The following TBC1D14 variants were observed in gnomAD, a reference collection of about 807,000 sequenced individuals.
TBC1D14 encodes the protein TBC1 domain family member 14, also known as TBC1 domain family, member 14.
A neutral mutation model predicts 79.0 loss-of-function variants in TBC1D14; 26 were observed. That is an observed-to-expected ratio of 0.33 (90% CI 0.24 to 0.46). TBC1D14 has a LOEUF of 0.46. Ranked by LOEUF, TBC1D14 falls within the 20% of genes least tolerant of loss-of-function variation. The pLI is 1.00. For synonymous variants in TBC1D14, 394 were observed against 349.9 expected, an observed-to-expected ratio of 1.13 and a Z score of -1.40; for missense variants, 769 against 887.6, an observed-to-expected ratio of 0.87 and a Z score of 1.70.
intron 2 of TBC1D14, among the ~76,000 whole-genome samples, chr4:6,965,558 A>G (rs1470670608): frequency 6.6e-6 from 1 of 152,078 alleles, no homozygotes; most frequent in Admixed American, 6.6e-5. Context: ...CTGGCTTTTT[A>G]AAAAATAGAG....
intron 1 of TBC1D14, among the ~76,000 whole-genome samples, chr4:6,920,540 C>T (rs1015474304): frequency 7.2e-5 from 11 of 152,144 alleles, no homozygotes; most frequent in African/African-American, 1.2e-4. Context: ...CAAAAGCTGA[C>T]GCCCAAGCAG....
intron 2 of TBC1D14, among the ~76,000 whole-genome samples, chr4:6,933,257 CCCTCCCCT>C (rs1560256264): frequency 1.8e-4 from 2 of 11,096 alleles, no homozygotes; most frequent in Non-Finnish European, 4.1e-4. Flanking sequence ...CCCTCCCCTC[CCCTCCCCT>C]CCCTTCCCCT....
intron 2 of TBC1D14, among the ~76,000 whole-genome samples, chr4:6,937,144 C>T (rs568743190): frequency 1.1e-4 from 17 of 152,212 alleles, no homozygotes; most frequent in Admixed American, 3.3e-4. Flanking sequence ...CTGGAACTCC[C>T]GACCTCAGGT....
intron 3 of TBC1D14, among the ~76,000 whole-genome samples, chr4:6,977,952 A>C (rs1164131487): frequency 2.6e-4 from 31 of 117,698 alleles, no homozygotes; most frequent in Middle Eastern, 7.0e-3. Flanking sequence ...AAGTGAGGAG[A>C]CCCTCTGCCT....
chr4:6,994,204 A>G lies in TBC1D14; in HGVS notation c.864A>G (p.Gly288=), dbSNP rs756113682. The change falls in exon 4 of 14, where the codon GGA becomes GGG. Residue 288 remains glycine, a synonymous_variant. Coordinates refer to ENST00000409757, the MANE Select transcript of TBC1D14 (RefSeq NM_020773.3). The part of the protein sequence containing the change: ...RIQKEYEDKA[G]RPSKPPSPKQ... ...CCTAGGAATATGAAGACAAGGCTGG[A>G]AGACCTAGCAAGCCACCCTCTCCAA... 6.2e-6 allele frequency: 10 copies of G among 1,614,080 alleles called. No homozygotes were observed. The South Asian group carries it at 1.1e-4, about 18-fold the overall frequency.
rs1024386487 is a variant in TBC1D14, at chr4:6,999,028, C to T, written c.1046-57C>T. The T allele has an allele frequency of 1.9e-6, 3 of 1,562,350 alleles. No individual in the cohort carries two copies. In the South Asian group the frequency reaches 3.4e-5, roughly 17 times the overall value. On this transcript the variant is annotated intron_variant, in intron 5 of 13. Transcript: ENST00000409757. Reference sequence around the variant, plus strand: ...CAGTGTGACAGGAAAATCACCTTGCCTGGAAATGGTCCATATCAGTTAGTA... The same window carrying T: ...CAGTGTGACAGGAAAATCACCTTGCTTGGAAATGGTCCATATCAGTTAGTA...
intron 3 of TBC1D14, among the ~76,000 whole-genome samples, chr4:6,971,692 G>A (rs930924088): frequency 1.3e-5 from 2 of 152,020 alleles, no homozygotes; most frequent in African/African-American, 4.8e-5. Context: ...GCATCACCCG[G>A]GCATTTGCTA....
At chr4:6,956,484 G>A (rs1029640948) in intron 2 of TBC1D14, among the ~76,000 whole-genome samples, 3 of 152,320 alleles carry the variant, frequency 2.0e-5, no homozygotes, top group African/African-American at 4.8e-5. Flanking sequence ...TGGCTCCTGC[G>A]CACGCGCCTA....
chr4:6,933,726 A>G lies in TBC1D14; in HGVS notation c.722+9615A>G, dbSNP rs543505708. Among the ~76,000 whole-genome samples the G allele has an allele frequency of 2.6e-5, 4 of 152,322 alleles. No homozygotes were observed. The South Asian group carries it at 8.3e-4, about 32-fold the overall frequency. On this transcript the variant is annotated intron_variant, in intron 2 of 13. Transcript: ENST00000409757. ...AGGGAAGGGTATGAACATCAGGGAAAGGGAATCTCAGAAGTCTGCCTGCCA... is the reference window on the plus strand; with the variant it reads ...AGGGAAGGGTATGAACATCAGGGAAGGGGAATCTCAGAAGTCTGCCTGCCA...
At chr4:6,920,784 CT>C (rs1362528850) in intron 1 of TBC1D14, among the ~76,000 whole-genome samples, 59 of 152,062 alleles carry the variant, frequency 3.9e-4, no homozygotes, top group African/African-American at 1.4e-3. Flanking sequence ...CACCTGATTT[CT>C]TTTTTACTTT....
At chr4:7,027,590 C>G (rs1001636573) in intron 13 of TBC1D14, among the ~76,000 whole-genome samples, 1 of 147,794 alleles carries the variant, frequency 6.8e-6, no homozygotes, top group African/African-American at 2.5e-5. Context: ...CACACCCACC[C>G]ACGCATACAA....
intron 1 of TBC1D14, among the ~76,000 whole-genome samples, chr4:6,912,401 AAAAT>A (rs2108892755): frequency 1.3e-5 from 2 of 151,798 alleles, no homozygotes; most frequent in South Asian, 4.1e-4. Context: ...TAAAATAAAA[AAAAT>A]AAAAAAATAA....
intron 11 of TBC1D14, 28 bp downstream of exon 11, chr4:7,010,809 G>C (rs1183472899): frequency 1.3e-6 from 2 of 1,598,816 alleles, no homozygotes; most frequent in Non-Finnish European, 1.7e-6. Context: ...TCGGGCCCTG[G>C]GTACTGTGTC....
chr4:6,924,173 C>A, intron 2 of TBC1D14, 62 bp downstream of exon 2: 1 of 1,526,692 alleles, frequency 6.6e-7, no homozygotes, highest in South Asian at 1.3e-5. Context: ...TCTCCTTGTT[C>A]CTGTCTCAAA....
rs536345285 is a variant in TBC1D14, at chr4:6,948,978, A to T, written c.723-18326A>T. On this transcript the variant is annotated intron_variant, in intron 2 of 13. Coordinates refer to ENST00000409757, the MANE Select transcript of TBC1D14 (RefSeq NM_020773.3). ...TTTGGGAGGCCGAGGCGGGTGGATCACCTGGCCAACATGGTGAAACCCTGT... is the reference window on the plus strand; with the variant it reads ...TTTGGGAGGCCGAGGCGGGTGGATCTCCTGGCCAACATGGTGAAACCCTGT... Among the ~76,000 whole-genome samples, 6 of 151,130 alleles carry T rather than the reference A, an allele frequency of 4.0e-5. No individual in the cohort carries two copies. The South Asian group carries it at 8.4e-4, about 21-fold the overall frequency.
In TBC1D14 at chr4:6,924,128, C is replaced by G. The variant is rs765739877; in HGVS notation, c.722+17C>G. ...CTTTGCAAGGTAATGCCATCTTTGCCCTCTAGAAGATCGTGGTGGTTGAGT... is the reference window on the plus strand; with the variant it reads ...CTTTGCAAGGTAATGCCATCTTTGCGCTCTAGAAGATCGTGGTGGTTGAGT... On this transcript the variant is annotated intron_variant, in intron 2 of 13. Transcript: ENST00000409757. 4 of 1,600,898 alleles carry G rather than the reference C, an allele frequency of 2.5e-6. No individual in the cohort carries two copies. Among genetic ancestry groups the G allele is most frequent in the African/African-American group, 2.7e-5 (2 of 74,684 alleles).
At chr4:7,028,138 A>G (rs1328423364) in intron 13 of TBC1D14, among the ~76,000 whole-genome samples, 2 of 151,436 alleles carry the variant, frequency 1.3e-5, no homozygotes, top group Non-Finnish European at 2.9e-5. Context: ...CATCACACCC[A>G]CACGTACACA....
intron 2 of TBC1D14, among the ~76,000 whole-genome samples, chr4:6,930,792 C>T (rs1307512352): frequency 1.0e-4 from 10 of 96,208 alleles, no homozygotes; most frequent in African/African-American, 2.7e-4. Context: ...AGTGAGACTC[C>T]ATCTCCAAAA....
At chr4:7,004,193 A>C (rs950997011) in intron 7 of TBC1D14, among the ~76,000 whole-genome samples, 3 of 152,186 alleles carry the variant, frequency 2.0e-5, no homozygotes, top group Admixed American at 6.5e-5. Flanking sequence ...AACTATTACC[A>C]AACCACCCGA....
Sources: allele counts gnomAD v4.1 joint callset (sites outside exome capture counted in the v4.1 genomes callset), GRCh38; gene constraint gnomAD v4.1.1; transcripts MANE v1.5; gene names NCBI Gene and HGNC (gene_info 2026-07-23, HGNC 2026-07-21).